Variants in ADD2 observed in about 807,000 individuals in gnomAD.
The protein encoded by ADD2 is adducin 2.
In ADD2, 23 loss-of-function variants were observed where a neutral mutation model predicts 83.0. That is an observed-to-expected ratio of 0.28 (90% confidence interval 0.20 to 0.39). The LOEUF (loss-of-function observed/expected upper bound fraction) is 0.39, where lower values mean the gene tolerates loss of function less well. ADD2 is among the 10% of genes least tolerant of loss of function. ADD2 has a pLI of 1.00. For synonymous variants in ADD2, 375 were observed against 375.4 expected (o/e 1.00, Z 0.01); for missense variants, 758 against 944.9 (o/e 0.80, Z 2.59).
chr2:70,760,839 G>A (rs1364990691), intron 1 of ADD2: 1 of 152,156 alleles, frequency 6.6e-6, no homozygotes, highest in Non-Finnish European at 1.5e-5. Flanking sequence ...ACAAGGGAAA[G>A]AAACAAAACT....
chr2:70,678,442 T>C (rs1013962138), intron 11 of ADD2, among the ~76,000 whole-genome samples: 18 of 152,088 alleles, frequency 1.2e-4, no homozygotes, highest in Non-Finnish European at 2.5e-4. Context: ...AACCAACTGG[T>C]TCTGGGTCAT....
At chr2:70,707,029 AAAG>A (rs1320520297) in intron 2 of ADD2, among the ~76,000 whole-genome samples, 12 of 152,302 alleles carry the variant, frequency 7.9e-5, no homozygotes, top group African/African-American at 2.2e-4. Context: ...GAAATTCACA[AAAG>A]AATACTACTA....
At position 70,713,201 on chromosome 2, in the gene ADD2, C is replaced by G. The variant is rs1445747041; in HGVS notation, c.-153-17G>C. 3.1e-6 allele frequency: 3 copies of G among 967,776 alleles called. No individual in the cohort carries two copies. The East Asian group carries it at 3.4e-4, about 111-fold the overall frequency. The allele number at this position is 967,776 out of a possible 1,614,324, so 59.9% of individuals were successfully genotyped here. A position where few individuals can be genotyped will look rare whatever the true frequency, so the allele number is the denominator to read the frequency against. ...AGGTGGAAACTGCAAAACACAAACA[C>G]GACAAGTGTCAGGGCCTGCACCACC... On this transcript the variant is annotated splice_polypyrimidine_tract_variant and intron_variant, in intron 1 of 15. Transcript: ENST00000264436.
At chr2:70,671,315 G>A (rs1326125469) in intron 15 of ADD2, among the ~76,000 whole-genome samples, 6 of 152,098 alleles carry the variant, frequency 3.9e-5, no homozygotes, top group Non-Finnish European at 8.8e-5. Flanking sequence ...GCTTCTGGGC[G>A]TGTGTGCCTG....
intron 1 of ADD2, among the ~76,000 whole-genome samples, chr2:70,761,465 G>A (rs148666254): frequency 0.02 from 2,975 of 151,022 alleles, 46 homozygotes; most frequent in Middle Eastern, 0.031. Context: ...AAAATTAGCC[G>A]GGCGTGGTGG....
chr2:70,703,833 T>C (rs1369021614), intron 4 of ADD2, among the ~76,000 whole-genome samples: 1 of 152,240 alleles, frequency 6.6e-6, no homozygotes, highest in Non-Finnish European at 1.5e-5. Context: ...GTAGAATGAT[T>C]TCTGCTTCCC....
intron 15 of ADD2, among the ~76,000 whole-genome samples, chr2:70,664,050 CAAGA>C (rs1384359835): frequency 6.6e-6 from 1 of 152,088 alleles, no homozygotes; most frequent in Non-Finnish European, 1.5e-5. Flanking sequence ...TTTTTCTAGG[CAAGA>C]AAGAAGAAAC....
At chr2:70,767,474 C>A (rs868944614) in intron 1 of ADD2, 16 of 296,140 alleles carry the variant, frequency 5.4e-5, no homozygotes, top group Admixed American at 1.2e-4. Context: ...GCACCGCTAC[C>A]CCGGAGGGCG....
chr2:70,695,446 AG>A (rs1671258299), intron 6 of ADD2, among the ~76,000 whole-genome samples: 1 of 151,756 alleles, frequency 6.6e-6, no homozygotes, highest in South Asian at 2.1e-4. Context: ...GTCTAATCCC[AG>A]GTGTAGCCAT....
Position 70,706,121 on chromosome 2 carries a change from G to A in ADD2, c.183+105C>T, listed in dbSNP as rs946890201. ...TGCTCAGTGGGCTTACATTTCTACTGACCCTGAGCAAGGGAAAGAGGAGTT... is the reference window on the plus strand; with the variant it reads ...TGCTCAGTGGGCTTACATTTCTACTAACCCTGAGCAAGGGAAAGAGGAGTT... On this transcript the variant is annotated intron_variant, in intron 3 of 15. Coordinates refer to ENST00000264436, the MANE Select transcript of ADD2 (RefSeq NM_001617.4). This position sits in a 1 kb window ranked among gnomAD's most constrained non-coding sequence, Gnocchi z 5.0. The A allele has an allele frequency of 9.7e-6, 12 of 1,234,232 alleles. No individual in the cohort carries two copies. The Admixed American group carries it at 2.1e-4, about 21-fold the overall frequency. The allele number at this position is 1,234,232 out of a possible 1,614,324, so 76.5% of individuals were successfully genotyped here. A position where few individuals can be genotyped will look rare whatever the true frequency, so the allele number is the denominator to read the frequency against.
intron 1 of ADD2, chr2:70,717,650 G>C (rs1181074061): frequency 1.3e-5 from 2 of 152,264 alleles, no homozygotes; most frequent in Admixed American, 6.5e-5. Flanking sequence ...TTTGCTCCAG[G>C]ACTTAGGCTA....
In ADD2 at chr2:70,658,833, C is replaced by T. The variant is rs1675443381; in HGVS notation, c.*4592G>A. ...GATTACCCTTGTCCCAAAACTAGAACATAAAATTCACACAAAAGAAAAAAC... is the reference window on the plus strand; with the variant it reads ...GATTACCCTTGTCCCAAAACTAGAATATAAAATTCACACAAAAGAAAAAAC... On this transcript the variant is annotated 3_prime_UTR_variant, in exon 16 of 16. Coordinates refer to ENST00000264436, the MANE Select transcript of ADD2 (RefSeq NM_001617.4). The T allele has an allele frequency of 6.6e-6, 1 of 152,088 alleles. No homozygotes were observed. Among genetic ancestry groups the T allele is most frequent in the Admixed American group, 6.6e-5 (1 of 15,266 alleles). 9.4% of individuals were successfully genotyped at this position (152,088 alleles called of 1,614,324 possible).
Position 70,723,886 on chromosome 2 carries a change from A to C in ADD2, c.-153-10702T>G, listed in dbSNP as rs75869190. Among the ~76,000 whole-genome samples, 462 of 152,338 alleles carry C rather than the reference A, an allele frequency of 3.0e-3. 3 individuals carry two copies. The highest frequency in any genetic ancestry group is 0.01 in the African/African-American group (429 of 41,582). On this transcript the variant is annotated intron_variant, in intron 1 of 15. Coordinates refer to ENST00000264436, the MANE Select transcript of ADD2 (RefSeq NM_001617.4). ...CTACAAACTAAGGCCAAAAACCATG[A>C]ACGGTATAAGGAGGGTAAATGCAAG...
intron 2 of ADD2, among the ~76,000 whole-genome samples, chr2:70,708,419 A>G (rs1020245189): frequency 6.6e-6 from 1 of 152,216 alleles, no homozygotes; most frequent in Admixed American, 6.5e-5. Flanking sequence ...TATGACCTGG[A>G]CATCAGGATT....
chr2:70,677,479 T>C (rs183362018), intron 12 of ADD2, among the ~76,000 whole-genome samples: 2 of 151,794 alleles, frequency 1.3e-5, no homozygotes, highest in Admixed American at 1.3e-4. Flanking sequence ...AAAAGGAAAA[T>C]GGTATAAAAT....
chr2:70,736,421 G>T (rs1673562644), intron 1 of ADD2, among the ~76,000 whole-genome samples: 3 of 152,200 alleles, frequency 2.0e-5, no homozygotes, highest in Admixed American at 1.3e-4. Flanking sequence ...AACTGGTTCT[G>T]TTCCTATTGA....
At chr2:70,683,133 T>A (rs1283411134) in intron 10 of ADD2, among the ~76,000 whole-genome samples, 1 of 150,338 alleles carries the variant, frequency 6.7e-6, no homozygotes, top group African/African-American at 2.4e-5. Flanking sequence ...TTCTCCTGCC[T>A]CAGCCTCAGC....
chr2:70,704,266 C>CCCCCCCCCCCCCCCCCCCCCCCA, intron 4 of ADD2, 55 bp downstream of exon 4: 3 of 650,834 alleles, frequency 4.6e-6, no homozygotes, highest in Non-Finnish European at 5.1e-6. Flanking sequence ...CCTCTCTTCC[C>CCCCCCCCCCCCCCCCCCCCCCCA]CACCCCACCC....
At position 70,722,268 on chromosome 2, in the gene ADD2, C is replaced by T. The variant is rs548125500; in HGVS notation, c.-153-9084G>A. Among the ~76,000 whole-genome samples, 5 of 152,178 alleles carry T rather than the reference C, an allele frequency of 3.3e-5. No homozygotes were observed. The East Asian group carries it at 9.7e-4, about 29-fold the overall frequency. On this transcript the variant is annotated intron_variant, in intron 1 of 15. Transcript: ENST00000264436. ...TGTATTCTTCAATTCTAAGATATCT[C>T]TGATTGATTGGCACACCAATTATTT...
Sources: gnomAD v4.1 joint callset for allele counts (sites outside exome capture counted in the v4.1 genomes callset) on GRCh38, gnomAD v4.1.1 for gene constraint, Gnocchi (gnomAD v3.1) non-coding constraint, MANE v1.5 for transcripts, NCBI Gene and HGNC (gene_info 2026-07-23, HGNC 2026-07-21) for gene names.